ETNK1: variants seen among roughly 807,000 people sequenced by gnomAD.
ETNK1 encodes the protein putative protein product of Nbla10396.
A neutral mutation model predicts 45.1 loss-of-function variants in ETNK1; 8 were observed. The ratio of observed to expected loss-of-function variants is 0.18; its 90% confidence interval spans 0.10 to 0.32. The LOEUF (loss-of-function observed/expected upper bound fraction) is 0.32, where lower values mean the gene tolerates loss of function less well. Among genes scored for constraint, ETNK1 ranks in the 10% least tolerant of loss-of-function variants. ETNK1 has a pLI of 1.00. For synonymous variants in ETNK1, 152 were observed against 151.9 expected, an observed-to-expected ratio of 1.00 and a Z score of -0.01; for missense variants, 302 against 430.6, an observed-to-expected ratio of 0.70 and a Z score of 2.64.
chr12:22,663,233 C>T (rs1347987711), intron 4 of ETNK1, among the ~76,000 whole-genome samples: 1 of 152,110 alleles, frequency 6.6e-6, no homozygotes, highest in African/African-American at 2.4e-5. Flanking sequence ...ATTAGTTACG[C>T]ATTAAAGCAG....
In ETNK1 at chr12:22,643,771, A is replaced by G; in HGVS notation, c.165A>G (p.Thr55=). 6.2e-7 allele frequency: 1 copy of G among 1,607,330 alleles called. No individual in the cohort carries two copies. The highest frequency in any genetic ancestry group is 8.5e-7 in the Non-Finnish European group (1 of 1,175,772). Residue 55 remains threonine, a synonymous_variant, in exon 2 of 8, where the codon ACA becomes ACG. Transcript: ENST00000266517. ...DPQEVTLQLF[T]DGITNKLIGC... Reference sequence around the variant, plus strand: ...AAAAAAATTTTTGGCAGCTCTTCACAGATGGAATCACAAATAAACTTATTG... The same window carrying G: ...AAAAAAATTTTTGGCAGCTCTTCACGGATGGAATCACAAATAAACTTATTG...
intron 1 of ETNK1, among the ~76,000 whole-genome samples, chr12:22,635,144 G>A (rs1592112180): frequency 6.6e-6 from 1 of 152,186 alleles, no homozygotes; most frequent in East Asian, 1.9e-4. Context: ...CTTACCAAGC[G>A]ATAGAGTCCT....
chr12:22,644,227 CTT>C, intron 2 of ETNK1: 1 of 1,605,360 alleles, frequency 6.2e-7, no homozygotes, highest in Non-Finnish European at 8.5e-7. Flanking sequence ...ATCGTTGACT[CTT>C]TGCAAAGGAA....
intron 6 of ETNK1, among the ~76,000 whole-genome samples, chr12:22,679,623 C>T (rs762051254): frequency 6.6e-6 from 1 of 152,098 alleles, no homozygotes; most frequent in Non-Finnish European, 1.5e-5. Flanking sequence ...TTCGCATTCT[C>T]CTAGGGAGTG....
At chr12:22,627,137 G>C (rs2137508077) in intron 1 of ETNK1, among the ~76,000 whole-genome samples, 1 of 146,642 alleles carries the variant, frequency 6.8e-6, no homozygotes, top group East Asian at 1.9e-4. Flanking sequence ...GCTACTGTGG[G>C]GTTAGTTAAA....
chr12:22,663,726 T>G (rs1206140048), intron 4 of ETNK1, among the ~76,000 whole-genome samples: 2 of 152,172 alleles, frequency 1.3e-5, no homozygotes, highest in African/African-American at 2.4e-5. Context: ...ATTTTACAGC[T>G]GTACAGATGA....
chr12:22,657,067 A>G (rs1198918225), intron 2 of ETNK1, among the ~76,000 whole-genome samples: 1 of 152,074 alleles, frequency 6.6e-6, no homozygotes, highest in Non-Finnish European at 1.5e-5. Flanking sequence ...TGATTTTATC[A>G]CCACCTGGCC....
At chr12:22,663,574 A>G (rs1463829428) in intron 4 of ETNK1, among the ~76,000 whole-genome samples, 2 of 152,118 alleles carry the variant, frequency 1.3e-5, no homozygotes, top group Non-Finnish European at 2.9e-5. Flanking sequence ...TCTCTAAACT[A>G]TTGATCAGTT....
At chr12:22,650,442 A>C (rs1339573286) in intron 2 of ETNK1, among the ~76,000 whole-genome samples, 2 of 151,978 alleles carry the variant, frequency 1.3e-5, no homozygotes, top group Non-Finnish European at 2.9e-5. Flanking sequence ...TATCAGATTG[A>C]AGATACTCTC....
chr12:22,651,684 T>C lies in ETNK1; in HGVS notation c.417-7330T>C, dbSNP rs1451954125. 2.2e-3 allele frequency among the ~76,000 whole-genome samples: 130 copies of C among 59,696 alleles called. 2 individuals are homozygous for C. Among genetic ancestry groups the C allele is most frequent in the Non-Finnish European group, 3.9e-3 (90 of 23,050 alleles). The allele number at this position is 59,696 out of a possible 152,430, so 39.2% of individuals were successfully genotyped here. A position where few individuals can be genotyped will look rare whatever the true frequency, so the allele number is the denominator to read the frequency against. On this transcript the variant is annotated intron_variant, in intron 2 of 7. Coordinates refer to ENST00000266517, the MANE Select transcript of ETNK1 (RefSeq NM_018638.5). ...AATGTAAAACTACAATTCTATCCCT[T>C]TTTTTTTTTTTTTTTTTTGAGACAG...
intron 6 of ETNK1, among the ~76,000 whole-genome samples, chr12:22,679,247 G>C (rs1954190265): frequency 6.6e-6 from 1 of 152,188 alleles, no homozygotes; most frequent in South Asian, 2.1e-4. Context: ...AGGCCCAAGA[G>C]CCCCCTGGCA....
intron 2 of ETNK1, among the ~76,000 whole-genome samples, chr12:22,657,255 T>C (rs1434580717): frequency 6.6e-6 from 1 of 152,234 alleles, no homozygotes; most frequent in Non-Finnish European, 1.5e-5. Context: ...GTTTATTTAC[T>C]CATTTGTTTG....
At position 22,643,788 on chromosome 12, in the gene ETNK1, A is replaced by G; in HGVS notation, c.182A>G (p.Lys61Arg). The G allele has an allele frequency of 6.2e-7, 1 of 1,612,172 alleles. No homozygotes were observed. The highest frequency in any genetic ancestry group is 1.1e-5 in the South Asian group (1 of 90,940). The stretch of plus-strand genomic sequence containing the variant: ...CTCTTCACAGATGGAATCACAAATA[A>G]ACTTATTGGCTGTTACGTGGGAAAC... ...LQLFTDGITN[K>R]LIGCYVGNTM... Residue 61 changes from lysine to arginine, a missense_variant, in exon 2 of 8, where the codon AAA becomes AGA. By Grantham distance (26) the Lys-to-Arg change is conservative (BLOSUM62 2). This residue lies in a region of ETNK1 where 205 missense variants were observed against 259.9 expected (regional missense o/e 0.79). Transcript: ENST00000266517.
chr12:22,676,842 C>G (rs1954167191), intron 6 of ETNK1, among the ~76,000 whole-genome samples: 1 of 146,870 alleles, frequency 6.8e-6, no homozygotes. Flanking sequence ...TATCCTTTGC[C>G]TACGTTTTGA....
At chr12:22,637,346 T>TA (rs949438574) in intron 1 of ETNK1, among the ~76,000 whole-genome samples, 1 of 152,206 alleles carries the variant, frequency 6.6e-6, no homozygotes, top group Non-Finnish European at 1.5e-5. Context: ...TTGTTTCAAG[T>TA]AAAAGGGTAA....
chr12:22,678,953 G>A (rs1954187458), intron 6 of ETNK1, among the ~76,000 whole-genome samples: 1 of 152,246 alleles, frequency 6.6e-6, no homozygotes, highest in Non-Finnish European at 1.5e-5. Flanking sequence ...CTCACATGGG[G>A]TCTGAGAAAG....
In ETNK1 at chr12:22,685,018, C is replaced by CA; in HGVS notation, c.*69dup. 2.5e-6 allele frequency: 3 copies of CA among 1,208,788 alleles called. No homozygotes were observed. Among genetic ancestry groups the CA allele is most frequent in the Non-Finnish European group, 3.5e-6 (3 of 850,842 alleles). 74.9% of individuals were successfully genotyped at this position (1,208,788 alleles called of 1,614,324 possible). A position where few individuals can be genotyped will look rare whatever the true frequency, so the allele number is the denominator to read the frequency against. The stretch of plus-strand genomic sequence containing the variant: ...TTGTGAATCTTTTCTTAAGAAATCC[C>CA]AAAAAGCCAATATTAGTTAAAATTC... On this transcript the variant is annotated 3_prime_UTR_variant, in exon 8 of 8. Transcript: ENST00000266517.
intron 1 of ETNK1, among the ~76,000 whole-genome samples, chr12:22,631,239 A>G (rs1423285842): frequency 6.7e-6 from 1 of 149,954 alleles, no homozygotes; most frequent in African/African-American, 2.5e-5. Flanking sequence ...CAATGGCGTG[A>G]TCTCGGCTCA....
intron 2 of ETNK1, among the ~76,000 whole-genome samples, chr12:22,654,675 T>G (rs1267016064): frequency 6.6e-6 from 1 of 152,178 alleles, no homozygotes; most frequent in East Asian, 1.9e-4. Flanking sequence ...GAAGGATATC[T>G]TAGTGGTTGT....
Sources: gnomAD v4.1 joint callset for allele counts (sites outside exome capture counted in the v4.1 genomes callset) on GRCh38, gnomAD v4.1.1 for gene constraint, gnomAD v4.1.1 regional missense constraint, MANE v1.5 for transcripts, NCBI Gene and HGNC (gene_info 2026-07-23, HGNC 2026-07-21) for gene names.